Variants in MESD observed in about 807,000 individuals in gnomAD.
MESD encodes the protein mesoderm development LRP chaperone.
A neutral mutation model predicts 12.9 loss-of-function variants in MESD; 7 were observed. The ratio of observed to expected loss-of-function variants is 0.54; its 90% CI spans 0.31 to 1.02. MESD has a LOEUF of 1.02. Among genes scored for constraint, MESD ranks in the 50% least tolerant of loss-of-function variants. The probability of loss-of-function intolerance (pLI) is 0.05; values close to 1 mark genes in which losing one functional copy is unlikely to be tolerated. For synonymous variants in MESD, 126 were observed against 115.6 expected, an observed-to-expected ratio of 1.09 and a Z score of -0.58; for missense variants, 342 against 296.7, an observed-to-expected ratio of 1.15 and a Z score of -1.12.
At chr15:80,959,759 C>T (rs1048987210) in intron 3 of MESD, among the ~76,000 whole-genome samples, 1 of 151,650 alleles carries the variant, frequency 6.6e-6, no homozygotes, top group Non-Finnish European at 1.5e-5. Context: ...AGAGAAAAAG[C>T]AAAGTGGAAG....
At chr15:80,947,417 G>C (rs1901606016) in exon 5 of MESD, 1 of 297,640 alleles carries the variant, frequency 3.4e-6, no homozygotes, top group Admixed American at 4.4e-5. Flanking sequence ...TATTCAGACT[G>C]GCCAGGGGTC....
intron 3 of MESD, among the ~76,000 whole-genome samples, chr15:80,962,314 A>C (rs1408830372): frequency 6.6e-6 from 1 of 152,238 alleles, no homozygotes; most frequent in Non-Finnish European, 1.5e-5. Flanking sequence ...ATATGCACCC[A>C]ACACAGGAGC....
At position 80,979,435 on chromosome 15, in the gene MESD, A is replaced by G. The variant is rs1051954916; in HGVS notation, c.489T>C (p.Asp163=). ...CCTTGATCTCCCAGGCGTAGCTCCC[A>G]TCGCGAAGCATGAAGATAGCACGGT... ...GSDRAIFMLR[D]GSYAWEIKDF... is the part of the protein sequence containing the mutation. The change falls in exon 3 of 3, where the codon GAT becomes GAC. Residue 163 remains aspartate, a synonymous_variant. Coordinates refer to ENST00000261758, the MANE Select transcript of MESD (RefSeq NM_015154.3). 6 of 1,614,202 alleles carry G rather than the reference A, an allele frequency of 3.7e-6. No individual in the cohort carries two copies. Among genetic ancestry groups the G allele is most frequent in the African/African-American group, 2.7e-5 (2 of 75,058 alleles).
downstream of MESD, among the ~76,000 whole-genome samples, chr15:80,975,254 G>A (rs1269351301): frequency 6.6e-6 from 1 of 151,606 alleles, no homozygotes; most frequent in Non-Finnish European, 1.5e-5. Context: ...GCATAGTGGT[G>A]CATGCTTGTA....
chr15:80,948,661 C>A lies in MESD; in HGVS notation c.*864G>T, dbSNP rs1020165539. 7 of 1,188,164 alleles carry A rather than the reference C, an allele frequency of 5.9e-6. No individual in the cohort carries two copies. In the South Asian group the frequency reaches 8.6e-5, roughly 15 times the overall value. 73.6% of individuals were successfully genotyped at this position (1,188,164 alleles called of 1,614,324 possible). On this transcript the variant is annotated 3_prime_UTR_variant, in exon 5 of 5. Transcript: ENST00000561312. ...TCAGTAGCTGAGCACAGAGCTCTTC[C>A]CAAGGGGCCACAGTGCAGTGTGGCT... is the stretch of plus-strand genomic sequence containing the variant.
At position 80,984,519 on chromosome 15, in the gene MESD, A is replaced by T. The variant is rs181952529; in HGVS notation, c.214-2337T>A. Among the ~76,000 whole-genome samples the T allele has an allele frequency of 7.9e-5, 12 of 152,378 alleles. No individual in the cohort carries two copies. In the East Asian group the frequency reaches 1.9e-3, roughly 24 times the overall value. On this transcript the variant is annotated intron_variant, in intron 1 of 2. Transcript: ENST00000261758. ...GAAAGACTACACATTCTATGATTCC[A>T]TTTATAGGAAATGTCCAGAATGGAT...
At position 80,970,025 on chromosome 15, in the gene MESD, AG is replaced by A. The variant is rs761103934; in HGVS notation, c.*288+8905del. Among the ~76,000 whole-genome samples the A allele has an allele frequency of 2.2e-4, 33 of 152,376 alleles. No homozygotes were observed. In the East Asian group the frequency reaches 3.8e-3, roughly 18 times the overall value. ...TGAAGTAAATTAATATTACTAGAAC[AG>A]TACACATGGATAAGATAATCCCTTG... On this transcript the variant is annotated intron_variant, in intron 3 of 4. Coordinates refer to the MESD transcript ENST00000561312.
At chr15:80,972,300 C>T (rs1385257887), downstream of MESD, among the ~76,000 whole-genome samples, 1 of 152,150 alleles carries the variant, frequency 6.6e-6, no homozygotes, top group African/African-American at 2.4e-5. Context: ...AGTGTAGAAA[C>T]TTAACTAACA....
At chr15:80,983,381 G>A (rs1211815263) in intron 1 of MESD, among the ~76,000 whole-genome samples, 1 of 152,164 alleles carries the variant, frequency 6.6e-6, no homozygotes, top group Non-Finnish European at 1.5e-5. Flanking sequence ...GTTTTCTGTA[G>A]TGGTATGGGC....
intron 4 of MESD, chr15:80,949,124 C>T: frequency 1.4e-6 from 1 of 696,808 alleles, no homozygotes; most frequent in Non-Finnish European, 2.5e-6. Flanking sequence ...TACCTGGAGC[C>T]CCTGGGGCGG....
chr15:80,965,019 A>G (rs1902150477), intron 3 of MESD, among the ~76,000 whole-genome samples: 1 of 152,248 alleles, frequency 6.6e-6, no homozygotes. Context: ...TGAACAGGCA[A>G]CTTACAGAAT....
intron 3 of MESD, among the ~76,000 whole-genome samples, chr15:80,967,041 C>G (rs945506051): frequency 6.6e-6 from 1 of 152,166 alleles, no homozygotes; most frequent in African/African-American, 2.4e-5. Context: ...TCCTGTAATC[C>G]TAGCACTTGG....
intron 4 of MESD, chr15:80,950,844 T>C (rs922889697): frequency 4.6e-5 from 7 of 152,696 alleles, no homozygotes; most frequent in Non-Finnish European, 1.0e-4. Context: ...ATGAACTACA[T>C]TTATCCCCTT....
intron 3 of MESD, among the ~76,000 whole-genome samples, chr15:80,960,195 T>C (rs1394947835): frequency 2.0e-5 from 3 of 151,828 alleles, no homozygotes; most frequent in African/African-American, 7.3e-5. Context: ...AAAAACCCCA[T>C]CTCTACAAAA....
chr15:80,955,919 G>A (rs1367499011), intron 3 of MESD, among the ~76,000 whole-genome samples: 1 of 152,122 alleles, frequency 6.6e-6, no homozygotes, highest in East Asian at 1.9e-4. Context: ...ACTGCGCCCG[G>A]CTGAGAAGTG....
At position 80,979,394 on chromosome 15, in the gene MESD, T is replaced by C; in HGVS notation, c.530A>G (p.Gln177Arg). The change falls in exon 3 of 3, where the codon CAA becomes CGA. Residue 177 changes from glutamine to arginine, a missense_variant. Physicochemically the swap from Gln to Arg is conservative, Grantham distance 43 (BLOSUM62 1). Transcript: ENST00000261758. ...AWEIKDFLVG[Q>R]DRCADVTLEG... ...CAGAGTTACATCAGCACACCTGTCT[T>C]GACCGACCAAAAAGTCCTTGATCTC... is the stretch of plus-strand genomic sequence containing the variant. 1.2e-6 allele frequency: 2 copies of C among 1,614,198 alleles called. No homozygotes were observed. Among genetic ancestry groups the C allele is most frequent in the Non-Finnish European group, 1.7e-6 (2 of 1,180,036 alleles).
At chr15:80,956,126 T>A (rs1901978734) in intron 3 of MESD, among the ~76,000 whole-genome samples, 1 of 151,498 alleles carries the variant, frequency 6.6e-6, no homozygotes, top group African/African-American at 2.4e-5. Flanking sequence ...GAAGGTAGAG[T>A]CTGTGGTGAG....
chr15:80,987,620 C>T (rs1025342726), intron 1 of MESD, among the ~76,000 whole-genome samples: 3 of 152,034 alleles, frequency 2.0e-5, no homozygotes, highest in African/African-American at 4.8e-5. Flanking sequence ...TCCCAAGTAG[C>T]TGGGATTACA....
At chr15:80,949,274 GCCCTGAC>G in intron 4 of MESD, 1 of 379,952 alleles carries the variant, frequency 2.6e-6, no homozygotes, top group African/African-American at 2.1e-5. Context: ...TTTGGCAGGA[GCCCTGAC>G]CCAGCTAGGA....
Sources: allele counts gnomAD v4.1 joint callset (sites outside exome capture counted in the v4.1 genomes callset), GRCh38; gene constraint gnomAD v4.1.1; transcripts MANE v1.5; gene names NCBI Gene and HGNC (gene_info 2026-07-23, HGNC 2026-07-21).